Variants in SLC4A10 observed in about 807,000 individuals in gnomAD.
SLC4A10 encodes solute carrier family 4 member 10.
SLC4A10 carries 42 observed loss-of-function variants against 137.7 expected under a neutral mutation model. The observed-to-expected ratio is 0.30, with a 90% CI of 0.24 to 0.39. SLC4A10 has a LOEUF of 0.39. Ranked by LOEUF, SLC4A10 falls within the 10% of genes least tolerant of loss-of-function variation. The pLI is 1.00. For missense variants in SLC4A10, 925 were observed against 1,355.0 expected (o/e 0.68, Z 4.98); for synonymous variants, 474 against 464.1 (o/e 1.02, Z -0.27).
At chr2:161,838,933 T>C (rs932196023) in intron 3 of SLC4A10, among the ~76,000 whole-genome samples, 1 of 152,200 alleles carries the variant, frequency 6.6e-6, no homozygotes, top group African/African-American at 2.4e-5. Flanking sequence ...CATAAACTTA[T>C]CATATGACTA....
At chr2:161,895,009 C>G (rs1168265806) in intron 11 of SLC4A10, among the ~76,000 whole-genome samples, 184 bp downstream of exon 11, 1 of 150,786 alleles carries the variant, frequency 6.6e-6, no homozygotes, top group Non-Finnish European at 1.5e-5. Context: ...GTGTGCTGCA[C>G]CCATTAACTC....
chr2:161,805,728 GCTTT>G (rs1462746609), intron 3 of SLC4A10, among the ~76,000 whole-genome samples: 1 of 152,202 alleles, frequency 6.6e-6, no homozygotes, highest in Non-Finnish European at 1.5e-5. Context: ...TGCCCTCGTG[GCTTT>G]GCAGGATATA....
Position 161,900,928 on chromosome 2 carries a change from T to C in SLC4A10, c.1359T>C (p.Pro453=). 1.9e-6 allele frequency: 3 copies of C among 1,557,524 alleles called. No homozygotes were observed. The South Asian group carries it at 3.6e-5, about 19-fold the overall frequency. Reference sequence around the variant, plus strand: ...CTCCACAGGAGAAGAGGAAGATTCCTGCTGTACCAAATGGAACAGCAGCTC... The same window carrying C: ...CTCCACAGGAGAAGAGGAAGATTCCCGCTGTACCAAATGGAACAGCAGCTC... ...NVPSQEKRKI[P]AVPNGTAAHG... is the part of the protein sequence containing the mutation. Residue 453 remains proline, a synonymous_variant, in exon 12 of 27, where the codon CCT becomes CCC. Coordinates refer to ENST00000446997, the MANE Select transcript of SLC4A10 (RefSeq NM_001178015.2).
chr2:161,672,025 A>G (rs1439611690), intron 1 of SLC4A10, among the ~76,000 whole-genome samples: 1 of 152,152 alleles, frequency 6.6e-6, no homozygotes, highest in African/African-American at 2.4e-5. Context: ...TGAGTCTTAA[A>G]AGGAATTTGT....
intron 1 of SLC4A10, chr2:161,651,191 C>G (rs1038500118): frequency 6.6e-6 from 1 of 152,392 alleles, no homozygotes; most frequent in African/African-American, 2.4e-5. Flanking sequence ...TGGGACTCCT[C>G]GCCTGTTCAG....
intron 2 of SLC4A10, among the ~76,000 whole-genome samples, chr2:161,786,031 A>G (rs1171504155): frequency 2.0e-5 from 3 of 151,556 alleles, no homozygotes; most frequent in African/African-American, 7.3e-5. Context: ...GAAGTCCTCC[A>G]CTGTTATTGT....
At chr2:161,917,609 A>G (rs1043806277) in intron 15 of SLC4A10, among the ~76,000 whole-genome samples, 4 of 151,502 alleles carry the variant, frequency 2.6e-5, no homozygotes, top group Admixed American at 6.6e-5. Flanking sequence ...AAGAGAAAAG[A>G]AAAAGAAACT....
intron 1 of SLC4A10, among the ~76,000 whole-genome samples, chr2:161,672,516 T>C (rs956729405): frequency 2.0e-5 from 3 of 151,962 alleles, no homozygotes; most frequent in Admixed American, 6.6e-5. Flanking sequence ...AAAAATTTTT[T>C]TTTTTTTTAA....
intron 1 of SLC4A10, among the ~76,000 whole-genome samples, chr2:161,690,767 C>A (rs569566824): frequency 6.6e-6 from 1 of 152,062 alleles, no homozygotes; most frequent in South Asian, 2.1e-4. Flanking sequence ...GGGAGGGGAA[C>A]AACACACACT....
At chr2:161,847,193 T>C (rs1344312083) in intron 4 of SLC4A10, among the ~76,000 whole-genome samples, 1 of 151,814 alleles carries the variant, frequency 6.6e-6, no homozygotes, top group Non-Finnish European at 1.5e-5. Flanking sequence ...CAGTGAGCTG[T>C]GATTGCACCA....
intron 1 of SLC4A10, among the ~76,000 whole-genome samples, chr2:161,641,588 G>A (rs2035331252): frequency 6.6e-6 from 1 of 151,962 alleles, no homozygotes; most frequent in Admixed American, 6.6e-5. Flanking sequence ...ATTCATTATT[G>A]TATTGTGAAT....
chr2:161,904,681 C>G lies in SLC4A10; in HGVS notation c.1618-95C>G. On this transcript the variant is annotated intron_variant, in intron 13 of 26. Transcript: ENST00000446997. The stretch of plus-strand genomic sequence containing the variant: ...TTGCTAGACTTTTCAGGGTGAAGCA[C>G]AAAGCACATATCCATGTATTTTAAA... 3 of 1,451,022 alleles carry G rather than the reference C, an allele frequency of 2.1e-6. No homozygotes were observed. In the Admixed American group the frequency reaches 6.0e-5, roughly 29 times the overall value. The allele number at this position is 1,451,022 out of a possible 1,614,324, so 89.9% of individuals were successfully genotyped here.
At chr2:161,778,783 T>C (rs192375291) in intron 2 of SLC4A10, among the ~76,000 whole-genome samples, 8 of 152,112 alleles carry the variant, frequency 5.3e-5, no homozygotes, top group South Asian at 2.1e-4. Flanking sequence ...AAAAAAACTG[T>C]ATTGCTTTTA....
At chr2:161,798,993 A>AC (rs2055081468) in intron 2 of SLC4A10, among the ~76,000 whole-genome samples, 4 of 150,906 alleles carry the variant, frequency 2.7e-5, no homozygotes, top group Admixed American at 1.3e-4. Flanking sequence ...ACTGCAGATA[A>AC]ACTCTGAATA....
chr2:161,953,515 G>A (rs1041494519), intron 19 of SLC4A10, among the ~76,000 whole-genome samples: 1 of 152,078 alleles, frequency 6.6e-6, no homozygotes, highest in Non-Finnish European at 1.5e-5. Context: ...GGCTGAGGCA[G>A]GAGAATCGTC....
intron 19 of SLC4A10, 123 bp downstream of exon 19, chr2:161,950,971 G>A (rs1047729037): frequency 6.0e-6 from 5 of 829,678 alleles, no homozygotes; most frequent in African/African-American, 1.8e-5. Context: ...GTTTTTAGAT[G>A]TATAATTTTT....
chr2:161,764,748 A>G (rs1325138800), intron 1 of SLC4A10, among the ~76,000 whole-genome samples: 1 of 152,126 alleles, frequency 6.6e-6, no homozygotes, highest in Non-Finnish European at 1.5e-5. Context: ...GGCCCATATT[A>G]GCTGCTCTTC....
Position 161,743,667 on chromosome 2 carries a change from G to A in SLC4A10, c.49-27306G>A, listed in dbSNP as rs531463406. Among the ~76,000 whole-genome samples, 13 of 151,554 alleles carry A rather than the reference G, an allele frequency of 8.6e-5. No individual in the cohort carries two copies. The East Asian group carries it at 2.1e-3, about 25-fold the overall frequency. ...TTTTTGGATTTTTTTTTCTATTTCT[G>A]TGGAGAATGTCATTGGTATTTTGAT... is the stretch of plus-strand genomic sequence containing the variant. On this transcript the variant is annotated intron_variant, in intron 1 of 26. Transcript: ENST00000446997.
intron 1 of SLC4A10, among the ~76,000 whole-genome samples, chr2:161,668,292 C>T (rs1425514583): frequency 6.6e-6 from 1 of 151,672 alleles, no homozygotes; most frequent in Non-Finnish European, 1.5e-5. Flanking sequence ...GTGAAGGCAT[C>T]AAGAAAATTT....
Sources: gnomAD v4.1 joint callset for allele counts (sites outside exome capture counted in the v4.1 genomes callset) on GRCh38, gnomAD v4.1.1 for gene constraint, MANE v1.5 for transcripts, NCBI Gene and HGNC (gene_info 2026-07-23, HGNC 2026-07-21) for gene names.